Variants in SPAG16 observed in about 807,000 individuals in gnomAD.
SPAG16 encodes sperm-associated antigen 16 protein.
In SPAG16, 86 loss-of-function variants were observed where a neutral mutation model predicts 80.4. The observed-to-expected ratio is 1.07, with a 90% CI of 0.90 to 1.28. The LOEUF (loss-of-function observed/expected upper bound fraction) is 1.28, where lower values mean the gene tolerates loss of function less well. SPAG16 is among the 50% of genes most tolerant of loss of function. The pLI is 0.00. For synonymous variants in SPAG16, 294 were observed against 265.9 expected (o/e 1.11, Z -1.03); for missense variants, 870 against 765.3 (o/e 1.14, Z -1.61).
intron 15 of SPAG16, among the ~76,000 whole-genome samples, chr2:214,184,859 A>G (rs1186601305): frequency 6.6e-6 from 1 of 152,100 alleles, no homozygotes; most frequent in Admixed American, 6.6e-5. Flanking sequence ...TGTCCAATAA[A>G]TTTTAATTTC....
intron 15 of SPAG16, among the ~76,000 whole-genome samples, chr2:214,213,051 T>C (rs1469232466): frequency 6.6e-6 from 1 of 152,250 alleles, no homozygotes; most frequent in East Asian, 1.9e-4. Flanking sequence ...CGTCATCTGC[T>C]GCCTGAACAA....
At chr2:213,932,147 C>CATAT (rs61264162) in intron 12 of SPAG16, among the ~76,000 whole-genome samples, 184 of 30,034 alleles carry the variant, frequency 6.1e-3, no homozygotes, top group Non-Finnish European at 8.4e-3. Context: ...CTTGATACTG[C>CATAT]ATATATATAT....
chr2:214,067,896 T>A (rs1281799086), intron 13 of SPAG16, among the ~76,000 whole-genome samples: 1 of 152,174 alleles, frequency 6.6e-6, no homozygotes, highest in African/African-American at 2.4e-5. Context: ...TATAAAACAT[T>A]CTTCAGTGAT....
intron 15 of SPAG16, among the ~76,000 whole-genome samples, chr2:214,319,223 C>CACACACACACACAT (rs1352747000): frequency 6.6e-6 from 1 of 151,098 alleles, no homozygotes; most frequent in Non-Finnish European, 1.5e-5. Flanking sequence ...CACACACACA[C>CACACACACACACAT]AAGAAGTGTA....
intron 9 of SPAG16, among the ~76,000 whole-genome samples, chr2:213,480,111 C>T (rs1297444172): frequency 6.6e-6 from 1 of 152,114 alleles, no homozygotes. Flanking sequence ...TGGAAGCTTA[C>T]AATAAGATCA....
At chr2:213,811,660 C>T (rs1018609367) in intron 10 of SPAG16, among the ~76,000 whole-genome samples, 2 of 152,108 alleles carry the variant, frequency 1.3e-5, no homozygotes, top group Admixed American at 6.5e-5. Context: ...GAGCATTGTC[C>T]CAACCGTCTG....
At chr2:214,006,027 A>G (rs2047010589) in intron 12 of SPAG16, among the ~76,000 whole-genome samples, 1 of 152,212 alleles carries the variant, frequency 6.6e-6, no homozygotes, top group Non-Finnish European at 1.5e-5. Context: ...GTTCAATTAT[A>G]TAAATGCTAT....
intron 9 of SPAG16, among the ~76,000 whole-genome samples, chr2:213,409,707 C>T (rs181165474): frequency 3.3e-5 from 5 of 152,132 alleles, no homozygotes; most frequent in East Asian, 3.9e-4. Flanking sequence ...TTTAGCTCAT[C>T]GGGTATAAAA....
intron 13 of SPAG16, among the ~76,000 whole-genome samples, chr2:214,036,067 T>G (rs903823909): frequency 6.6e-6 from 1 of 152,260 alleles, no homozygotes; most frequent in Non-Finnish European, 1.5e-5. Flanking sequence ...CATCATTTAT[T>G]TTTATTAATT....
At chr2:213,635,384 A>C (rs1031291248) in intron 10 of SPAG16, among the ~76,000 whole-genome samples, 1 of 152,132 alleles carries the variant, frequency 6.6e-6, no homozygotes, top group Non-Finnish European at 1.5e-5. Context: ...AAGCATGTGC[A>C]AGTGTCTTTT....
intron 10 of SPAG16, among the ~76,000 whole-genome samples, chr2:213,744,708 G>C (rs2067735099): frequency 6.6e-6 from 1 of 152,146 alleles, no homozygotes; most frequent in Non-Finnish European, 1.5e-5. Flanking sequence ...GATGGAGGAA[G>C]ACTTTGAGAA....
Position 214,037,340 on chromosome 2 carries a change from C to T in SPAG16, c.1527+23263C>T, listed in dbSNP as rs976463333. Among the ~76,000 whole-genome samples, 8 of 151,966 alleles carry T rather than the reference C, an allele frequency of 5.3e-5. No homozygotes were observed. The East Asian group carries it at 5.8e-4, about 11-fold the overall frequency. ...GTTATTTTTGATTATTTATTCCAAT[C>T]GTATGACCTTTTACCTTTTTTATTT... On this transcript the variant is annotated intron_variant, in intron 13 of 15. Coordinates refer to ENST00000331683, the MANE Select transcript of SPAG16 (RefSeq NM_024532.5).
intron 11 of SPAG16, among the ~76,000 whole-genome samples, chr2:213,893,210 A>C (rs1025658575): frequency 6.6e-6 from 1 of 152,230 alleles, no homozygotes; most frequent in African/African-American, 2.4e-5. Context: ...TACTGTATTC[A>C]ACAAAGCTGT....
At chr2:213,395,310 C>T (rs530008498) in intron 9 of SPAG16, among the ~76,000 whole-genome samples, 1 of 152,184 alleles carries the variant, frequency 6.6e-6, no homozygotes, top group South Asian at 2.1e-4. Flanking sequence ...GAGGTAACAA[C>T]TTAAATTATT....
chr2:213,623,223 A>C (rs1377525947), intron 10 of SPAG16, among the ~76,000 whole-genome samples: 2 of 152,174 alleles, frequency 1.3e-5, no homozygotes, highest in African/African-American at 4.8e-5. Flanking sequence ...GCTGGTATTT[A>C]ACACATAAAT....
At chr2:213,461,771 G>T (rs2072377733) in intron 9 of SPAG16, among the ~76,000 whole-genome samples, 1 of 152,154 alleles carries the variant, frequency 6.6e-6, no homozygotes, top group Non-Finnish European at 1.5e-5. Context: ...AGCCAGCAAA[G>T]ATATAATAGG....
intron 15 of SPAG16, among the ~76,000 whole-genome samples, chr2:214,177,900 C>CATATATATATATACATAT (rs1553519901): frequency 4.7e-5 from 3 of 64,006 alleles, no homozygotes; most frequent in African/African-American, 2.1e-4. Flanking sequence ...TATATATATA[C>CATATATATATATACATAT]ATATATATAT....
At chr2:213,986,026 C>T (rs759880080) in intron 12 of SPAG16, among the ~76,000 whole-genome samples, 14 of 151,904 alleles carry the variant, frequency 9.2e-5, no homozygotes, top group Non-Finnish European at 1.5e-4. Context: ...AATATGCACT[C>T]GATATGTAAA....
At chr2:213,409,110 TTAAC>T (rs2068820230) in intron 9 of SPAG16, among the ~76,000 whole-genome samples, 1 of 110,296 alleles carries the variant, frequency 9.1e-6, no homozygotes, top group Non-Finnish European at 2.0e-5. Context: ...CTGAAATAAA[TTAAC>T]TGTTTTTTTT....
Sources: allele counts gnomAD v4.1 joint callset (sites outside exome capture counted in the v4.1 genomes callset), GRCh38; gene constraint gnomAD v4.1.1; transcripts MANE v1.5; gene names NCBI Gene and HGNC (gene_info 2026-07-23, HGNC 2026-07-21).